The following PTPRD variants were observed in gnomAD, a reference collection of about 807,000 sequenced individuals.
The protein encoded by PTPRD is protein tyrosine phosphatase receptor type D.
In PTPRD, 34 loss-of-function variants were observed where a neutral mutation model predicts 214.5. The observed-to-expected ratio is 0.16, with a 90% CI of 0.12 to 0.21. The LOEUF (loss-of-function observed/expected upper bound fraction) is 0.21, where lower values mean the gene tolerates loss of function less well. PTPRD is among the 10% of genes least tolerant of loss of function. The pLI, the probability that PTPRD is intolerant of heterozygous loss-of-function variation, is 1.00. For synonymous variants in PTPRD, 1,128 were observed against 845.7 expected (o/e 1.33, Z -5.79); for missense variants, 2,545 against 2,398.7 (o/e 1.06, Z -1.27).
At chr9:9,125,687 T>C (rs1283168739) in intron 10 of PTPRD, among the ~76,000 whole-genome samples, 1 of 152,222 alleles carries the variant, frequency 6.6e-6, no homozygotes, top group Non-Finnish European at 1.5e-5. Context: ...ATTCAGCTAA[T>C]ATTTACTGAG....
At chr9:10,498,262 T>G (rs1298482837) in intron 2 of PTPRD, among the ~76,000 whole-genome samples, 3 of 151,936 alleles carry the variant, frequency 2.0e-5, no homozygotes, top group African/African-American at 7.2e-5. Flanking sequence ...AAGTTATGAC[T>G]TCCTCCTAAG....
chr9:9,954,013 C>A (rs1294458167), intron 4 of PTPRD, among the ~76,000 whole-genome samples: 2 of 151,824 alleles, frequency 1.3e-5, no homozygotes, highest in African/African-American at 2.4e-5. Flanking sequence ...ATTGAAAGAG[C>A]AGGCTGGTTG....
At chr9:8,846,531 G>T (rs978949010) in intron 11 of PTPRD, among the ~76,000 whole-genome samples, 2 of 152,122 alleles carry the variant, frequency 1.3e-5, no homozygotes, top group Admixed American at 6.5e-5. Flanking sequence ...CCCAGACTTG[G>T]GAGGAGGGAA....
Position 10,552,484 on chromosome 9 carries a change from A to G in PTPRD, c.-600+59914T>C, listed in dbSNP as rs77017945. Among the ~76,000 whole-genome samples, 600 of 151,968 alleles carry G rather than the reference A, an allele frequency of 3.9e-3. 2 individuals are homozygous for G. The highest frequency in any genetic ancestry group is 5.5e-3 in the Non-Finnish European group (371 of 67,940). On this transcript the variant is annotated intron_variant, in intron 2 of 45. Coordinates refer to ENST00000381196, the MANE Select transcript of PTPRD (RefSeq NM_002839.4). ...TCATTCTTCTGTCTTTTTTTTCTAC[A>G]TGATCATGTGTAACAGTGTCTTGAC...
intron 9 of PTPRD, among the ~76,000 whole-genome samples, chr9:9,278,141 A>C (rs2133367499): frequency 6.6e-6 from 1 of 151,526 alleles, no homozygotes; most frequent in African/African-American, 2.4e-5. Flanking sequence ...AAAAATAATA[A>C]ACAAGTAGTA....
At chr9:9,409,968 TGAC>T (rs1247335346) in intron 8 of PTPRD, among the ~76,000 whole-genome samples, 10 of 152,184 alleles carry the variant, frequency 6.6e-5, no homozygotes, top group African/African-American at 2.4e-4. Context: ...TTGGCCTGTC[TGAC>T]TACCATCTTT....
At chr9:9,011,368 G>A (rs1262738879) in intron 11 of PTPRD, among the ~76,000 whole-genome samples, 1 of 152,124 alleles carries the variant, frequency 6.6e-6, no homozygotes, top group Non-Finnish European at 1.5e-5. Context: ...TGAGAAAACA[G>A]ACCTATGGAT....
At chr9:8,987,129 G>A (rs564328257) in intron 11 of PTPRD, among the ~76,000 whole-genome samples, 192 of 152,144 alleles carry the variant, frequency 1.3e-3, no homozygotes, top group African/African-American at 4.5e-3. Flanking sequence ...TAAGCTTGAA[G>A]TGTATTCCCC....
intron 5 of PTPRD, among the ~76,000 whole-genome samples, chr9:9,853,980 C>T (rs932506228): frequency 2.0e-5 from 3 of 152,182 alleles, no homozygotes; most frequent in African/African-American, 7.2e-5. Flanking sequence ...TCACCTTAAA[C>T]ATTTATCATT....
rs199716647 is a variant in PTPRD at position 9,827,985 on chromosome 9, G to A, written c.-367-61134C>T. 1.1e-3 allele frequency among the ~76,000 whole-genome samples: 165 copies of A among 151,956 alleles called. 1 individual carries two copies. The East Asian group carries it at 0.023, about 21-fold the overall frequency. On this transcript the variant is annotated intron_variant, in intron 5 of 45. Coordinates refer to ENST00000381196, the MANE Select transcript of PTPRD (RefSeq NM_002839.4). ...TCTCACACCAGTTAGAATGGCGATC[G>A]TTAAAAAGTCAGGAAACAACAGGTG...
intron 3 of PTPRD, among the ~76,000 whole-genome samples, chr9:10,307,794 G>C (rs76703304): frequency 0.064 from 9,657 of 151,668 alleles, 417 homozygotes; most frequent in South Asian, 0.16. Flanking sequence ...TTGTGGTTTG[G>C]GTTGGCATTT....
At chr9:10,016,810 A>C (rs533299217) in intron 4 of PTPRD, among the ~76,000 whole-genome samples, 1 of 152,136 alleles carries the variant, frequency 6.6e-6, no homozygotes, top group African/African-American at 2.4e-5. Flanking sequence ...GACTACATGC[A>C]TGCACCATCA....
Position 9,081,936 on chromosome 9 carries a change from C to T in PTPRD, c.-142-63201G>A, listed in dbSNP as rs1445949234. 4.6e-5 allele frequency among the ~76,000 whole-genome samples: 7 copies of T among 151,294 alleles called. No individual in the cohort carries two copies. In the East Asian group the frequency reaches 1.4e-3, roughly 29 times the overall value. On this transcript the variant is annotated intron_variant, in intron 10 of 45. Coordinates refer to ENST00000381196, the MANE Select transcript of PTPRD (RefSeq NM_002839.4). The stretch of plus-strand genomic sequence containing the variant: ...GGTCTTAGTCAAATCCCTGAATAGA[C>T]CATAACAAGTTCTGCAACTGAGGCA...
rs1261501415 is a variant in PTPRD at position 9,008,012 on chromosome 9, C to T, written c.-104+10685G>A. Among the ~76,000 whole-genome samples, 4 of 19,474 alleles carry T rather than the reference C, an allele frequency of 2.1e-4. 1 individual carries two copies. Among genetic ancestry groups the T allele is most frequent in the South Asian group, 1.2e-3 (1 of 846 alleles). 12.8% of individuals were successfully genotyped at this position (19,474 alleles called of 152,430 possible). A position where few individuals can be genotyped will look rare whatever the true frequency, so the allele number is the denominator to read the frequency against. ...TATGTATACATGTGCCGTGCTGGTGCGCTGTACCCATTAACTCAGAAATTT... is the reference window on the plus strand; with the variant it reads ...TATGTATACATGTGCCGTGCTGGTGTGCTGTACCCATTAACTCAGAAATTT... On this transcript the variant is annotated intron_variant, in intron 11 of 45. Coordinates refer to ENST00000381196, the MANE Select transcript of PTPRD (RefSeq NM_002839.4).
rs1016810326 is a variant in PTPRD, at chr9:8,494,603, C to T, written c.2350-1624G>A. On this transcript the variant is annotated intron_variant, in intron 26 of 45. Transcript: ENST00000381196. ...AGTCATGGCTAACTGGAAAAAGCAGCAAGGCTTGCTTCCATCACCAAATTT... is the reference window on the plus strand; with the variant it reads ...AGTCATGGCTAACTGGAAAAAGCAGTAAGGCTTGCTTCCATCACCAAATTT... Among the ~76,000 whole-genome samples, 4 of 152,242 alleles carry T rather than the reference C, an allele frequency of 2.6e-5. No homozygotes were observed. In the South Asian group the frequency reaches 8.3e-4, roughly 31 times the overall value.
At chr9:8,809,198 T>TA (rs1413382710) in intron 11 of PTPRD, among the ~76,000 whole-genome samples, 3 of 152,090 alleles carry the variant, frequency 2.0e-5, no homozygotes, top group Admixed American at 2.0e-4. Context: ...TACTAGTTGT[T>TA]AAAATGTCAC....
Position 8,481,018 on chromosome 9 carries a change from T to C in PTPRD, c.3413+3101A>G, listed in dbSNP as rs550650435. ...AGCCAGGCGTGGTGGTGGGCTCCTGTAGTCACAGCCGCTCGAGAGGCTGAG... is the reference window on the plus strand; with the variant it reads ...AGCCAGGCGTGGTGGTGGGCTCCTGCAGTCACAGCCGCTCGAGAGGCTGAG... On this transcript the variant is annotated intron_variant, in intron 30 of 45. Coordinates refer to ENST00000381196, the MANE Select transcript of PTPRD (RefSeq NM_002839.4). Among the ~76,000 whole-genome samples, 22 of 151,844 alleles carry C rather than the reference T, an allele frequency of 1.4e-4. 1 individual carries two copies. In the Middle Eastern group the frequency reaches 0.031, roughly 213 times the overall value.
intron 2 of PTPRD, among the ~76,000 whole-genome samples, chr9:10,511,921 T>C (rs1406127704): frequency 4.3e-5 from 3 of 70,516 alleles, no homozygotes; most frequent in African/African-American, 9.6e-5. Flanking sequence ...TATACGTGTA[T>C]ATATATATAC....
chr9:9,146,433 C>T (rs2099868734), intron 10 of PTPRD, among the ~76,000 whole-genome samples: 1 of 151,986 alleles, frequency 6.6e-6, no homozygotes, highest in African/African-American at 2.4e-5. Flanking sequence ...ATGTGAGGCT[C>T]AGGAGTCTGC....
Sources: gnomAD v4.1 joint callset for allele counts (sites outside exome capture counted in the v4.1 genomes callset) on GRCh38, gnomAD v4.1.1 for gene constraint, MANE v1.5 for transcripts, NCBI Gene and HGNC (gene_info 2026-07-23, HGNC 2026-07-21) for gene names.